Variants in DPP6 observed in about 807,000 individuals in gnomAD.
The protein encoded by DPP6 is dipeptidyl peptidase like 6, also known as A-type potassium channel modulatory protein DPP6.
In DPP6, 69 loss-of-function variants were observed where a neutral mutation model predicts 122.6. The ratio of observed to expected loss-of-function variants is 0.56; its 90% CI spans 0.46 to 0.69. The LOEUF is 0.69. Ranked by LOEUF, DPP6 falls within the 30% of genes least tolerant of loss-of-function variation. The probability of loss-of-function intolerance (pLI) is 0.00; values close to 1 mark genes in which losing one functional copy is unlikely to be tolerated. For missense variants in DPP6, 928 were observed against 1,116.9 expected (o/e 0.83, Z 2.41); for synonymous variants, 418 against 433.1 (o/e 0.97, Z 0.43).
At chr7:154,136,609 A>T (rs1214149716) in intron 1 of DPP6, among the ~76,000 whole-genome samples, 1 of 152,122 alleles carries the variant, frequency 6.6e-6, no homozygotes, top group Non-Finnish European at 1.5e-5. Flanking sequence ...ACAAGCACAT[A>T]AACACATATC....
chr7:154,538,374 T>C (rs995768482), intron 3 of DPP6, among the ~76,000 whole-genome samples: 2 of 152,176 alleles, frequency 1.3e-5, no homozygotes, highest in Admixed American at 1.3e-4. Flanking sequence ...ATTAGCTATT[T>C]ATCCTGATGC....
intron 7 of DPP6, among the ~76,000 whole-genome samples, chr7:154,682,600 G>C (rs140343674): frequency 5.2e-4 from 79 of 152,312 alleles, no homozygotes; most frequent in Middle Eastern, 6.8e-3. Context: ...CTTAAAACAA[G>C]AGGTTTCTAA....
chr7:154,358,539 G>T (rs1811460784), intron 1 of DPP6, among the ~76,000 whole-genome samples: 1 of 152,206 alleles, frequency 6.6e-6, no homozygotes, highest in Admixed American at 6.5e-5. Flanking sequence ...GAGGCAGAGA[G>T]AGACTGTGGC....
intron 1 of DPP6, among the ~76,000 whole-genome samples, chr7:154,149,668 A>T (rs1461710661): frequency 1.4e-4 from 21 of 152,210 alleles, no homozygotes; most frequent in African/African-American, 4.1e-4. Flanking sequence ...TGAAGAAGAA[A>T]CAGAAAAGAT....
At chr7:154,602,449 G>T (rs1340490198) in intron 5 of DPP6, among the ~76,000 whole-genome samples, 1 of 120,556 alleles carries the variant, frequency 8.3e-6, no homozygotes, top group African/African-American at 2.6e-5. Flanking sequence ...ATGGAGTCTC[G>T]TTCTGTTGCC....
At chr7:153,772,925 TAA>T in the DPP6 span, among the ~76,000 whole-genome samples, 1 of 142,304 alleles carries the variant, frequency 7.0e-6, no homozygotes, top group Non-Finnish European at 1.5e-5. Flanking sequence ...TAATAATATA[TAA>T]AAGAAAAGAC....
At chr7:154,764,235 C>T (rs532041853) in intron 8 of DPP6, among the ~76,000 whole-genome samples, 4 of 152,254 alleles carry the variant, frequency 2.6e-5, no homozygotes, top group South Asian at 2.1e-4. Flanking sequence ...TGACCACTCT[C>T]GCTCGGTGGA....
intron 1 of DPP6, among the ~76,000 whole-genome samples, chr7:154,074,963 A>G (rs1383053254): frequency 6.6e-6 from 1 of 151,256 alleles, no homozygotes; most frequent in East Asian, 1.9e-4. Flanking sequence ...GCAAGAAAAA[A>G]ACAAATAATC....
chr7:153,999,900 C>G (rs1797608278), intron 1 of DPP6, among the ~76,000 whole-genome samples: 1 of 151,764 alleles, frequency 6.6e-6, no homozygotes, highest in South Asian at 2.1e-4. Flanking sequence ...GGGGAGGTTA[C>G]AGTGAGCCAA....
At position 154,652,264 on chromosome 7, in the gene DPP6, GT is replaced by G. The variant is rs532694133; in HGVS notation, c.680+14401del. Among the ~76,000 whole-genome samples the G allele has an allele frequency of 2.5e-3, 373 of 149,560 alleles. 2 individuals carry two copies. Among genetic ancestry groups the G allele is most frequent in the Admixed American group, 4.4e-3 (66 of 15,014 alleles). ...TCAAAATCACTTTTGCTCCAAAGGC[GT>G]TTTTTTTTTCCTATACTGTACATTC... On this transcript the variant is annotated intron_variant, in intron 6 of 25. Coordinates refer to ENST00000377770, the MANE Select transcript of DPP6 (RefSeq NM_130797.4).
chr7:154,311,079 G>A (rs1279344219), intron 1 of DPP6, among the ~76,000 whole-genome samples: 2 of 152,134 alleles, frequency 1.3e-5, no homozygotes, highest in East Asian at 3.9e-4. Flanking sequence ...GTAAAAGATC[G>A]GACAGGTAGG....
intron 20 of DPP6, among the ~76,000 whole-genome samples, chr7:154,879,416 TAA>T (rs35969198): frequency 0.48 from 56,907 of 117,804 alleles, 17,682 homozygotes; most frequent in African/African-American, 0.61. Flanking sequence ...CCGTCTCTAC[TAA>T]AAAAAAAAAA....
chr7:154,021,115 C>T (rs569389951), intron 1 of DPP6, among the ~76,000 whole-genome samples: 145 of 152,128 alleles, frequency 9.5e-4, no homozygotes, highest in Non-Finnish European at 1.7e-3. Context: ...GAGGGTAAGA[C>T]GAGGACCCAT....
chr7:153,976,670 G>A (rs1191858880), intron 1 of DPP6, among the ~76,000 whole-genome samples: 1 of 152,230 alleles, frequency 6.6e-6, no homozygotes, highest in Non-Finnish European at 1.5e-5. Flanking sequence ...CATGAAGAAG[G>A]AAGAAAATGA....
chr7:154,435,503 T>G (rs1818787919), intron 1 of DPP6, among the ~76,000 whole-genome samples: 1 of 152,206 alleles, frequency 6.6e-6, no homozygotes, highest in Admixed American at 6.5e-5. Flanking sequence ...CTGTGTTGGC[T>G]TTTATCACCT....
chr7:154,397,879 C>T (rs1815225668), intron 1 of DPP6, among the ~76,000 whole-genome samples: 1 of 152,182 alleles, frequency 6.6e-6, no homozygotes, highest in Non-Finnish European at 1.5e-5. Flanking sequence ...CACTCTTTCC[C>T]CTTCTAGATC....
intron 1 of DPP6, among the ~76,000 whole-genome samples, chr7:154,279,265 C>T (rs764376560): frequency 6.6e-6 from 1 of 152,006 alleles, no homozygotes; most frequent in Non-Finnish European, 1.5e-5. Flanking sequence ...ATGTGAGGCA[C>T]GTGGGGGTTT....
chr7:154,389,804 A>G (rs1325897046), intron 1 of DPP6, among the ~76,000 whole-genome samples: 1 of 152,228 alleles, frequency 6.6e-6, no homozygotes, highest in African/African-American at 2.4e-5. Flanking sequence ...ATACATAGCA[A>G]TTGAATTATT....
intron 1 of DPP6, among the ~76,000 whole-genome samples, chr7:154,352,525 G>T (rs1810952191): frequency 6.6e-6 from 1 of 152,064 alleles, no homozygotes; most frequent in African/African-American, 2.4e-5. Context: ...TAAAAATGCA[G>T]GGACATGGAT....
Sources: gnomAD v4.1 joint callset for allele counts (sites outside exome capture counted in the v4.1 genomes callset) on GRCh38, gnomAD v4.1.1 for gene constraint, MANE v1.5 for transcripts, NCBI Gene and HGNC (gene_info 2026-07-23, HGNC 2026-07-21) for gene names.